The following TRPC3 variants were observed in gnomAD, a reference collection of about 807,000 sequenced individuals.
TRPC3 encodes the protein short transient receptor potential channel 3.
TRPC3 carries 54 observed loss-of-function variants against 90.9 expected under a neutral mutation model. The observed-to-expected ratio is 0.59, with a 90% CI of 0.48 to 0.75. The LOEUF (loss-of-function observed/expected upper bound fraction) is 0.75, where lower values mean the gene tolerates loss of function less well. TRPC3 is among the 30% of genes least tolerant of loss of function. The probability of loss-of-function intolerance (pLI) is 0.00; values close to 1 mark genes in which losing one functional copy is unlikely to be tolerated. For synonymous variants in TRPC3, 424 were observed against 450.9 expected (o/e 0.94, Z 0.75); for missense variants, 918 against 1,194.5 (o/e 0.77, Z 3.41).
intron 8 of TRPC3, 130 bp from the exon 9 acceptor site, chr4:121,903,191 A>G (rs2149118817): frequency 2.8e-6 from 2 of 709,172 alleles, no homozygotes; most frequent in Non-Finnish European, 2.3e-6. Flanking sequence ...ATTTATCTAC[A>G]TATATTCTAT....
intron 9 of TRPC3, 47 bp from the exon 10 acceptor site, chr4:121,899,742 G>A: frequency 7.3e-7 from 1 of 1,365,458 alleles, no homozygotes; most frequent in South Asian, 1.2e-5. Flanking sequence ...ACATTCATTT[G>A]GAATAAAAAA....
intron 5 of TRPC3, among the ~76,000 whole-genome samples, chr4:121,910,719 T>C (rs1328158544): frequency 6.6e-6 from 1 of 152,140 alleles, no homozygotes; most frequent in African/African-American, 2.4e-5. Context: ...AGAAGGCTCT[T>C]CAAGTTATCC....
At chr4:121,909,899 C>T (rs1019554011) in intron 6 of TRPC3, among the ~76,000 whole-genome samples, 1 of 152,064 alleles carries the variant, frequency 6.6e-6, no homozygotes, top group African/African-American at 2.4e-5. Context: ...TTCCACCTTG[C>T]AATATTGTCT....
chr4:121,880,624 A>G (rs1329692677), intron 11 of TRPC3, among the ~76,000 whole-genome samples: 1 of 150,590 alleles, frequency 6.6e-6, no homozygotes, highest in Non-Finnish European at 1.5e-5. Context: ...GATTCTCTTC[A>G]AGGAGAGGCA....
rs1025141585 is a variant in TRPC3, at chr4:121,875,872, A to C, written c.*3864T>G. ...ACTCTTTTTTAAACTGAACAAAGTT[A>C]TAAATACCCATTTTAGATTTTTTTT... is the stretch of plus-strand genomic sequence containing the variant. On this transcript the variant is annotated 3_prime_UTR_variant, in exon 12 of 12. Transcript: ENST00000379645. Among the ~76,000 whole-genome samples, 2 of 145,336 alleles carry C rather than the reference A, an allele frequency of 1.4e-5. No individual in the cohort carries two copies. Among genetic ancestry groups the C allele is most frequent in the Non-Finnish European group, 1.5e-5 (1 of 66,258 alleles).
chr4:121,933,324 T>C (rs1350171008), intron 1 of TRPC3: 2 of 380,588 alleles, frequency 5.3e-6, no homozygotes, highest in Non-Finnish European at 8.4e-6. Flanking sequence ...AAAATTTCCA[T>C]ATACCCATGC....
chr4:121,919,467 G>T (rs1489852968), intron 3 of TRPC3, among the ~76,000 whole-genome samples: 1 of 152,196 alleles, frequency 6.6e-6, no homozygotes. Flanking sequence ...ATATTGCACA[G>T]GTTTTCTGGA....
rs777376339 is a variant in TRPC3 at position 121,907,335 on chromosome 4, G to T, written c.2025C>A (p.Tyr675Ter). ...MIGMFILYSYYLGAKVNAAFT... is the reference protein window; with the variant it reads ...MIGMFILYSY ...AAGCAGCATTAACTTTAGCCCCAAG[G>T]TAGTAAGAATAAAGTATGAACATGC... is the stretch of plus-strand genomic sequence containing the variant. The change falls in exon 7 of 12, where the codon TAC (tyrosine) becomes TAA (stop). Residue 675 changes from tyrosine (Y) to a stop codon, truncating the protein, a stop_gained. Coordinates refer to ENST00000379645, the MANE Select transcript of TRPC3 (RefSeq NM_001130698.2). LOFTEE classifies it high-confidence loss of function. 37 of 1,612,022 alleles carry T rather than the reference G, an allele frequency of 2.3e-5. No individual in the cohort carries two copies. Among genetic ancestry groups the T allele is most frequent in the Non-Finnish European group, 3.1e-5 (36 of 1,179,084 alleles).
intron 3 of TRPC3, among the ~76,000 whole-genome samples, chr4:121,921,540 A>C (rs1275666290): frequency 1.3e-5 from 2 of 151,562 alleles, no homozygotes; most frequent in African/African-American, 4.8e-5. Flanking sequence ...AAAAAAAAAA[A>C]AAAAGACTTC....
At chr4:121,936,699 G>C (rs1226819472) in intron 1 of TRPC3, among the ~76,000 whole-genome samples, 1 of 152,124 alleles carries the variant, frequency 6.6e-6, no homozygotes, top group Non-Finnish European at 1.5e-5. Flanking sequence ...GGACAAGAGG[G>C]CTTGCTCCCC....
chr4:121,886,516 G>C (rs1482867340), intron 10 of TRPC3, among the ~76,000 whole-genome samples: 1 of 152,138 alleles, frequency 6.6e-6, no homozygotes, highest in African/African-American at 2.4e-5. Context: ...CTGTGATTGA[G>C]GGCCTGCTAT....
intron 10 of TRPC3, among the ~76,000 whole-genome samples, chr4:121,892,182 T>G (rs1053341023): frequency 6.6e-6 from 1 of 152,204 alleles, no homozygotes; most frequent in African/African-American, 2.4e-5. Flanking sequence ...TTGAAACATA[T>G]CAATCAATTA....
At chr4:121,927,653 CAAG>C (rs544697382) in intron 2 of TRPC3, among the ~76,000 whole-genome samples, 368 of 152,162 alleles carry the variant, frequency 2.4e-3, no homozygotes, top group African/African-American at 7.5e-3. Flanking sequence ...CTAAAATAAA[CAAG>C]AAGAAGAGAG....
intron 3 of TRPC3, among the ~76,000 whole-genome samples, chr4:121,917,014 C>T (rs1033631551): frequency 5.9e-5 from 9 of 152,072 alleles, no homozygotes; most frequent in Admixed American, 5.9e-4. Flanking sequence ...CACGCCTGGC[C>T]GAGAAATAAA....
Position 121,895,820 on chromosome 4 carries a change from G to A in TRPC3, c.2547+3792C>T, listed in dbSNP as rs190772138. Among the ~76,000 whole-genome samples, 32 of 152,096 alleles carry A rather than the reference G, an allele frequency of 2.1e-4. 1 individual carries two copies. The South Asian group carries it at 2.3e-3, about 11-fold the overall frequency. ...ACTAATCGAAAAAATTAAAGCAGAAGGAATTCTTCTTAACTCACTTTATGA... is the reference window on the plus strand; with the variant it reads ...ACTAATCGAAAAAATTAAAGCAGAAAGAATTCTTCTTAACTCACTTTATGA... On this transcript the variant is annotated intron_variant, in intron 10 of 11. Coordinates refer to ENST00000379645, the MANE Select transcript of TRPC3 (RefSeq NM_001130698.2).
intron 1 of TRPC3, among the ~76,000 whole-genome samples, chr4:121,939,012 A>T (rs1730219995): frequency 6.6e-6 from 1 of 152,140 alleles, no homozygotes; most frequent in Admixed American, 6.5e-5. Context: ...TATCCTGTAA[A>T]CATATTATTC....
At chr4:121,925,898 C>A (rs541010907) in intron 2 of TRPC3, among the ~76,000 whole-genome samples, 2 of 152,268 alleles carry the variant, frequency 1.3e-5, no homozygotes, top group South Asian at 4.1e-4. Context: ...AAAGAGTTTT[C>A]TCTCTTTTGT....
chr4:121,912,200 T>C, intron 4 of TRPC3, 107 bp from the exon 5 acceptor site: 1 of 921,304 alleles, frequency 1.1e-6, no homozygotes, highest in Non-Finnish European at 1.6e-6. Flanking sequence ...ACACTCAAAA[T>C]TCTGCTTCTG....
chr4:121,891,938 A>G (rs1259666140), intron 10 of TRPC3, among the ~76,000 whole-genome samples: 1 of 152,200 alleles, frequency 6.6e-6, no homozygotes, highest in African/African-American at 2.4e-5. Flanking sequence ...TGTGCACTGC[A>G]TGCATAAATA....
Sources: gnomAD v4.1 joint callset for allele counts (sites outside exome capture counted in the v4.1 genomes callset) on GRCh38, gnomAD v4.1.1 for gene constraint, MANE v1.5 for transcripts, NCBI Gene and HGNC (gene_info 2026-07-23, HGNC 2026-07-21) for gene names.